The following GRID1 variants were observed in gnomAD, a reference collection of about 807,000 sequenced individuals.
GRID1 encodes glutamate receptor ionotropic, delta-1.
In GRID1, 28 loss-of-function variants were observed where a neutral mutation model predicts 98.0. The observed-to-expected ratio is 0.29, with a 90% CI of 0.21 to 0.39. GRID1 has a LOEUF of 0.39. Among genes scored for constraint, GRID1 ranks in the 10% least tolerant of loss-of-function variants. GRID1 has a pLI of 1.00. For missense variants in GRID1, 1,111 were observed against 1,340.5 expected (o/e 0.83, Z 2.67); for synonymous variants, 553 against 538.5 (o/e 1.03, Z -0.37).
At position 85,833,524 on chromosome 10, in the gene GRID1, C is replaced by CA. The variant is rs113962227; in HGVS notation, c.1233+20971dup. ...AAACTAACCAGGATATAACTCCCAACAAAAAAAAAAAAAAAAGATTTAAGC... is the reference window on the plus strand; with the variant it reads ...AAACTAACCAGGATATAACTCCCAACAAAAAAAAAAAAAAAAAGATTTAAGC... On this transcript the variant is annotated intron_variant, in intron 8 of 15. Transcript: ENST00000327946. Among the ~76,000 whole-genome samples the CA allele has an allele frequency of 8.6e-3, 891 of 103,882 alleles. 5 individuals carry two copies. The highest frequency in any genetic ancestry group is 0.02 in the African/African-American group (555 of 28,224). 68.2% of individuals were successfully genotyped at this position (103,882 alleles called of 152,430 possible). A position where few individuals can be genotyped will look rare whatever the true frequency, so the allele number is the denominator to read the frequency against.
chr10:86,130,642 A>G (rs1844821237), intron 4 of GRID1, among the ~76,000 whole-genome samples: 1 of 152,168 alleles, frequency 6.6e-6, no homozygotes, highest in Non-Finnish European at 1.5e-5. Flanking sequence ...ACCCCTTTCC[A>G]GCTCCCCATC....
At chr10:85,728,457 T>C (rs545458153) in intron 9 of GRID1, among the ~76,000 whole-genome samples, 48 of 152,314 alleles carry the variant, frequency 3.2e-4, no homozygotes, top group African/African-American at 1.0e-3. Flanking sequence ...GGATAGTAAG[T>C]GGCGATAAAG....
At chr10:85,694,602 AAT>A (rs1396451160) in intron 12 of GRID1, among the ~76,000 whole-genome samples, 1 of 119,028 alleles carries the variant, frequency 8.4e-6, no homozygotes, top group East Asian at 2.9e-4. Flanking sequence ...ATATATATAT[AAT>A]GGAATATTAT....
At chr10:86,357,628 G>A (rs1415701806) in intron 2 of GRID1, among the ~76,000 whole-genome samples, 4 of 152,320 alleles carry the variant, frequency 2.6e-5, no homozygotes, top group East Asian at 3.9e-4. Flanking sequence ...CTGAGTATAT[G>A]CATGCATGTG....
intron 4 of GRID1, among the ~76,000 whole-genome samples, chr10:85,937,909 A>G (rs998848474): frequency 2.0e-5 from 3 of 152,206 alleles, no homozygotes; most frequent in African/African-American, 7.2e-5. Context: ...TTCAACACAA[A>G]GTTGACACTA....
intron 8 of GRID1, among the ~76,000 whole-genome samples, chr10:85,761,828 C>T (rs1206081153): frequency 6.6e-6 from 1 of 152,084 alleles, no homozygotes; most frequent in East Asian, 1.9e-4. Context: ...CCAAAACACA[C>T]ACACACTTTC....
At chr10:85,715,906 C>CT (rs55700928) in intron 12 of GRID1, among the ~76,000 whole-genome samples, 484 of 147,276 alleles carry the variant, frequency 3.3e-3, no homozygotes, top group African/African-American at 7.4e-3. Context: ...TAGAACTAAC[C>CT]TTTTTTTTTT....
chr10:85,897,677 A>C (rs571566148), intron 5 of GRID1, among the ~76,000 whole-genome samples: 2 of 152,352 alleles, frequency 1.3e-5, no homozygotes, highest in South Asian at 4.1e-4. Flanking sequence ...ATATGTATAC[A>C]TTGTGGATTG....
At chr10:85,981,168 C>T (rs1389006757) in intron 4 of GRID1, among the ~76,000 whole-genome samples, 1 of 152,144 alleles carries the variant, frequency 6.6e-6, no homozygotes, top group Non-Finnish European at 1.5e-5. Context: ...CTGACCCAGG[C>T]CCTGGAAGAA....
intron 4 of GRID1, among the ~76,000 whole-genome samples, chr10:86,075,204 G>A (rs894820560): frequency 6.9e-6 from 1 of 145,830 alleles, no homozygotes; most frequent in Non-Finnish European, 1.5e-5. Flanking sequence ...ATATGCCAGA[G>A]TTCTAACTCC....
chr10:86,135,914 G>A (rs570284921), intron 4 of GRID1, among the ~76,000 whole-genome samples: 1 of 152,288 alleles, frequency 6.6e-6, no homozygotes, highest in Non-Finnish European at 1.5e-5. Flanking sequence ...TTACAACTAG[G>A]AAAGCCCCAT....
chr10:86,127,446 T>G (rs1227600494), intron 4 of GRID1, among the ~76,000 whole-genome samples: 1 of 152,202 alleles, frequency 6.6e-6, no homozygotes, highest in African/African-American at 2.4e-5. Flanking sequence ...CTCCTGCTCA[T>G]GTGCTCCAAT....
chr10:85,665,253 CAT>C (rs1328552216), intron 12 of GRID1, among the ~76,000 whole-genome samples: 5 of 152,096 alleles, frequency 3.3e-5, no homozygotes, highest in Admixed American at 6.5e-5. Flanking sequence ...GCCCACCACA[CAT>C]GTTTACAGCT....
intron 8 of GRID1, among the ~76,000 whole-genome samples, chr10:85,734,362 A>G (rs1841856723): frequency 6.6e-6 from 1 of 152,190 alleles, no homozygotes; most frequent in Non-Finnish European, 1.5e-5. Context: ...GTTAATATTC[A>G]GACAACCTTA....
chr10:86,191,723 C>T (rs1845805188), intron 3 of GRID1, among the ~76,000 whole-genome samples: 1 of 152,156 alleles, frequency 6.6e-6, no homozygotes, highest in African/African-American at 2.4e-5. Flanking sequence ...GCTCCAGGAC[C>T]ATCTCTCCCA....
At chr10:86,264,896 AGAG>A in intron 2 of GRID1, 1 of 398,998 alleles carries the variant, frequency 2.5e-6, no homozygotes, top group Non-Finnish European at 5.1e-6. Flanking sequence ...AGAGGCTCCT[AGAG>A]GAGAAGGGCT....
chr10:85,843,014 C>A (rs1209673503), intron 8 of GRID1, among the ~76,000 whole-genome samples: 1 of 151,976 alleles, frequency 6.6e-6, no homozygotes, highest in African/African-American at 2.4e-5. Context: ...TAGCAATATC[C>A]CCCATAACGC....
intron 5 of GRID1, among the ~76,000 whole-genome samples, chr10:85,887,525 C>T (rs12266011): frequency 1.2e-3 from 179 of 152,252 alleles, no homozygotes; most frequent in African/African-American, 4.0e-3. Context: ...TCAGGCCCCA[C>T]CCTAAACCTA....
chr10:85,666,654 T>G (rs1055515804), intron 12 of GRID1, among the ~76,000 whole-genome samples: 3 of 152,210 alleles, frequency 2.0e-5, no homozygotes, highest in Admixed American at 2.0e-4. Context: ...CCAACTGTAC[T>G]TTGTGACTGA....
Sources: gnomAD v4.1 joint callset for allele counts (sites outside exome capture counted in the v4.1 genomes callset) on GRCh38, gnomAD v4.1.1 for gene constraint, MANE v1.5 for transcripts, NCBI Gene and HGNC (gene_info 2026-07-23, HGNC 2026-07-21) for gene names.